Variants in EWSR1 observed in about 807,000 individuals in gnomAD.
The protein encoded by EWSR1 is EWS RNA binding protein 1.
In EWSR1, 14 loss-of-function variants were observed where a neutral mutation model predicts 92.1. The observed-to-expected ratio is 0.15, with a 90% CI of 0.10 to 0.24. The LOEUF is 0.24. Ranked by LOEUF, EWSR1 falls within the 10% of genes least tolerant of loss-of-function variation. EWSR1 has a pLI of 1.00. For missense variants in EWSR1, 637 were observed against 870.9 expected, an observed-to-expected ratio of 0.73 and a Z score of 3.38; for synonymous variants, 303 against 292.9, an observed-to-expected ratio of 1.03 and a Z score of -0.35.
intron 11 of EWSR1, 98 bp downstream of exon 11, chr22:29,292,704 C>G: frequency 1.4e-5 from 9 of 654,822 alleles, no homozygotes; most frequent in Non-Finnish European, 2.4e-5. Context: ...CTAAGGTTGC[C>G]TTTGCCTGAC....
chr22:29,291,763 C>T (rs1345881440), intron 9 of EWSR1, 164 bp downstream of exon 9: 2 of 645,070 alleles, frequency 3.1e-6, no homozygotes, highest in Non-Finnish European at 2.6e-6. Flanking sequence ...TAAGGTTAAC[C>T]TATGGTTACA....
intron 8 of EWSR1, 69 bp from the exon 9 acceptor site, chr22:29,291,493 C>G (rs2060437536): frequency 2.0e-6 from 3 of 1,489,988 alleles, no homozygotes; most frequent in Non-Finnish European, 1.8e-6. Flanking sequence ...CCCCACGAGC[C>G]CCCCCAAGGC....
At chr22:29,292,905 C>T (rs570113029) in intron 11 of EWSR1, among the ~76,000 whole-genome samples, 13 of 151,308 alleles carry the variant, frequency 8.6e-5, no homozygotes, top group South Asian at 2.1e-4. Context: ...TACAGGTGTG[C>T]GCCACCAGCT....
At chr22:29,269,585 C>T (rs1240754783) in intron 1 of EWSR1, 1 of 152,236 alleles carries the variant, frequency 6.6e-6, no homozygotes, top group Non-Finnish European at 1.5e-5. Context: ...GTTCTGGGCA[C>T]TCCAGAGTTT....
At chr22:29,270,060 C>G (rs1397439078) in intron 1 of EWSR1, among the ~76,000 whole-genome samples, 1 of 152,186 alleles carries the variant, frequency 6.6e-6, no homozygotes, top group Admixed American at 6.5e-5. Flanking sequence ...ACCTCTTAAG[C>G]TTTTGAGCCC....
At chr22:29,269,961 A>G (rs2058527813) in intron 1 of EWSR1, among the ~76,000 whole-genome samples, 1 of 152,224 alleles carries the variant, frequency 6.6e-6, no homozygotes, top group Non-Finnish European at 1.5e-5. Context: ...AAGTAAACAC[A>G]TTAGGCCTGG....
intron 4 of EWSR1, chr22:29,275,499 T>C (rs2059033828): frequency 1.4e-5 from 3 of 219,016 alleles, no homozygotes; most frequent in Non-Finnish European, 9.2e-6. Flanking sequence ...ATTCACAGTT[T>C]ATAGAGTGGC....
At chr22:29,299,398 C>A in intron 15 of EWSR1, 67 bp downstream of exon 15, 1 of 1,558,268 alleles carries the variant, frequency 6.4e-7, no homozygotes, top group Non-Finnish European at 8.7e-7. Context: ...TATTTGTGGG[C>A]TTGGTAAACT....
At position 29,298,730 on chromosome 22, in the gene EWSR1, T is replaced by G. The variant is rs546713018; in HGVS notation, c.1418-3T>G. Reference sequence around the variant, plus strand: ...TTGCTGTTTCTTGTTGTTCTTGTTGTAGGTCCAGGAGGCCCAGGAGGTCCT... The same window carrying G: ...TTGCTGTTTCTTGTTGTTCTTGTTGGAGGTCCAGGAGGCCCAGGAGGTCCT... On this transcript the variant is annotated splice_polypyrimidine_tract_variant and splice_region_variant and intron_variant, in intron 13 of 16. Transcript: ENST00000397938. 6.2e-7 allele frequency: 1 copy of G among 1,613,084 alleles called. No individual in the cohort carries two copies. The highest frequency in any genetic ancestry group is 8.5e-7 in the Non-Finnish European group (1 of 1,179,790).
chr22:29,292,232 T>A (rs937281071), intron 10 of EWSR1, 63 bp downstream of exon 10: 1 of 1,485,258 alleles, frequency 6.7e-7, no homozygotes, highest in African/African-American at 1.4e-5. Flanking sequence ...CAGAGGTAAA[T>A]GCATGCGTAG....
chr22:29,272,076 G>A, intron 1 of EWSR1, 140 bp from the exon 2 acceptor site: 1 of 701,086 alleles, frequency 1.4e-6, no homozygotes, highest in Admixed American at 2.6e-5. Context: ...GAGAGGTAAG[G>A]GGGACTCATT....
At chr22:29,288,849 A>G in intron 8 of EWSR1, 63 bp downstream of exon 8, 2 of 1,397,698 alleles carry the variant, frequency 1.4e-6, no homozygotes, top group Admixed American at 2.5e-5. Flanking sequence ...TTCAGTGGAA[A>G]GAAGGGACTG....
At chr22:29,270,842 TGTA>T (rs2058620511) in intron 1 of EWSR1, among the ~76,000 whole-genome samples, 1 of 152,224 alleles carries the variant, frequency 6.6e-6, no homozygotes, top group Admixed American at 6.5e-5. Flanking sequence ...GAGTATGACT[TGTA>T]GTGCTATTGA....
chr22:29,274,677 CATTTT>C (rs1434675613), intron 4 of EWSR1, among the ~76,000 whole-genome samples: 1 of 152,166 alleles, frequency 6.6e-6, no homozygotes, highest in Non-Finnish European at 1.5e-5. Flanking sequence ...AGTCCAGACA[CATTTT>C]ATTTTCTGTT....
intron 8 of EWSR1, chr22:29,290,730 CT>C: frequency 8.2e-7 from 1 of 1,223,552 alleles, no homozygotes; most frequent in Non-Finnish European, 1.0e-6. Flanking sequence ...GGAAACAAAG[CT>C]GCATGCAACA....
chr22:29,298,997 T>C, intron 14 of EWSR1, 102 bp downstream of exon 14: 1 of 1,363,918 alleles, frequency 7.3e-7, no homozygotes, highest in African/African-American at 1.5e-5. Flanking sequence ...AGGAACAGAA[T>C]GATGACCCTG....
chr22:29,270,941 C>T (rs1487877895), intron 1 of EWSR1, among the ~76,000 whole-genome samples: 2 of 152,062 alleles, frequency 1.3e-5, no homozygotes, highest in Non-Finnish European at 2.9e-5. Flanking sequence ...CTTGGTGATT[C>T]AGGGTTTTGA....
intron 7 of EWSR1, 36 bp from the exon 8 acceptor site, chr22:29,288,570 C>T (rs376008026): frequency 6.4e-7 from 1 of 1,567,002 alleles, no homozygotes. Context: ...GGTGTAAATG[C>T]TGGTCCATGG....
At chr22:29,288,959 G>A (rs1483916270) in intron 8 of EWSR1, 173 bp downstream of exon 8, 1 of 625,704 alleles carries the variant, frequency 1.6e-6, no homozygotes, top group Non-Finnish European at 2.5e-6. Flanking sequence ...CATATATTAA[G>A]TGGCAGTTTA....
Sources: allele counts gnomAD v4.1 joint callset (sites outside exome capture counted in the v4.1 genomes callset), GRCh38; gene constraint gnomAD v4.1.1; transcripts MANE v1.5; gene names NCBI Gene and HGNC (gene_info 2026-07-23, HGNC 2026-07-21).